Variants in SNX14 observed in about 807,000 individuals in gnomAD.
The protein encoded by SNX14 is sorting nexin 14.
Under a neutral mutation model 133.8 loss-of-function variants are expected in SNX14, and 93 were observed. The ratio of observed to expected loss-of-function variants is 0.70; its 90% CI spans 0.59 to 0.83. SNX14 has a LOEUF of 0.83. Ranked by LOEUF, SNX14 falls within the 40% of genes least tolerant of loss-of-function variation. SNX14 has a pLI of 0.00. For missense variants in SNX14, 945 were observed against 1,094.9 expected, an observed-to-expected ratio of 0.86 and a Z score of 1.93; for synonymous variants, 368 against 365.6, an observed-to-expected ratio of 1.01 and a Z score of -0.07.
intron 23 of SNX14, among the ~76,000 whole-genome samples, chr6:85,516,672 C>G (rs1775121989): frequency 1.5e-5 from 2 of 131,936 alleles, no homozygotes; most frequent in South Asian, 4.9e-4. Flanking sequence ...GAGTCTTGCT[C>G]TGTCCCCCAG....
At chr6:85,536,368 G>A (rs533903300) in intron 17 of SNX14, among the ~76,000 whole-genome samples, 1 of 152,294 alleles carries the variant, frequency 6.6e-6, no homozygotes, top group South Asian at 2.1e-4. Flanking sequence ...AAGCTTCCAG[G>A]TAATGCCAAT....
chr6:85,521,998 T>C (rs1161353788), intron 21 of SNX14, among the ~76,000 whole-genome samples: 3 of 152,198 alleles, frequency 2.0e-5, no homozygotes, highest in African/African-American at 7.2e-5. Context: ...TTGAAACAGG[T>C]GTCCTTTCCC....
chr6:85,551,607 C>T (rs1787868419), intron 7 of SNX14, among the ~76,000 whole-genome samples: 2 of 152,204 alleles, frequency 1.3e-5, no homozygotes, highest in African/African-American at 4.8e-5. Context: ...AGAACTCTCT[C>T]TTTGTTCTCT....
At chr6:85,569,811 C>T (rs1056508703) in intron 4 of SNX14, among the ~76,000 whole-genome samples, 1 of 152,150 alleles carries the variant, frequency 6.6e-6, no homozygotes, top group African/African-American at 2.4e-5. Flanking sequence ...AAAGAATGAG[C>T]TTAGCACAAT....
At chr6:85,528,561 T>C (rs1258847851) in intron 19 of SNX14, among the ~76,000 whole-genome samples, 199 bp from the exon 20 acceptor site, 1 of 152,192 alleles carries the variant, frequency 6.6e-6, no homozygotes, top group African/African-American at 2.4e-5. Context: ...AGTCTACTGA[T>C]AAACAAAATA....
intron 18 of SNX14, among the ~76,000 whole-genome samples, chr6:85,531,009 G>C (rs963080245): frequency 2.0e-5 from 3 of 152,060 alleles, no homozygotes; most frequent in African/African-American, 4.8e-5. Context: ...CTGCAGTTAC[G>C]AAGATGCTCC....
intron 1 of SNX14, 32 bp from the exon 2 acceptor site, chr6:85,574,410 C>A (rs1209004412): frequency 1.4e-5 from 20 of 1,442,680 alleles, no homozygotes; most frequent in South Asian, 2.8e-5. Flanking sequence ...TTATTACAAC[C>A]AAAGAAAATG....
chr6:85,512,192 G>A (rs575376517), intron 26 of SNX14, among the ~76,000 whole-genome samples: 2 of 152,280 alleles, frequency 1.3e-5, no homozygotes, highest in South Asian at 4.1e-4. Flanking sequence ...GTAGGGCCTT[G>A]TCAAGAACAG....
At chr6:85,511,242 AC>A (rs369041527) in intron 26 of SNX14, among the ~76,000 whole-genome samples, 35 of 152,342 alleles carry the variant, frequency 2.3e-4, no homozygotes, top group African/African-American at 8.4e-4. Context: ...ACGAAAAGTA[AC>A]TGAATTTTGT....
chr6:85,588,985 G>T, intron 1 of SNX14: 1 of 437,046 alleles, frequency 2.3e-6, no homozygotes, highest in African/African-American at 2.0e-5. Context: ...GGTAGAAGGG[G>T]ATGCAGAAGT....
chr6:85,554,701 G>A (rs1377159929), intron 7 of SNX14, among the ~76,000 whole-genome samples: 1 of 151,920 alleles, frequency 6.6e-6, no homozygotes, highest in African/African-American at 2.4e-5. Flanking sequence ...AGCATTTTAG[G>A]GTGACTTTAT....
chr6:85,558,344 C>A (rs773685149), intron 6 of SNX14, among the ~76,000 whole-genome samples: 3 of 152,084 alleles, frequency 2.0e-5, no homozygotes, highest in African/African-American at 7.2e-5. Context: ...GTATTAAATG[C>A]GTTCAAGGAA....
chr6:85,589,386 A>T (rs1444431196), intron 1 of SNX14: 1 of 153,354 alleles, frequency 6.5e-6, no homozygotes, highest in Non-Finnish European at 1.5e-5. Context: ...ACATCCAGCT[A>T]AATTTTTTGT....
Position 85,547,538 on chromosome 6 carries a change from G to C in SNX14, c.880C>G (p.His294Asp). 1.2e-6 allele frequency: 2 copies of C among 1,602,428 alleles called. No individual in the cohort carries two copies. The highest frequency in any genetic ancestry group is 1.7e-6 in the Non-Finnish European group (2 of 1,175,834). Residue 294 changes from histidine (H) to aspartate (D), a missense_variant, in exon 10 of 29, where the codon CAT (histidine) becomes GAT (aspartate). Transcript: ENST00000314673. Reference sequence around the variant, plus strand: ...TCATCTATGAAGATGATAAGCAAATGATTCACAGTATCCTAGTGGAAAATA... The same window carrying C: ...TCATCTATGAAGATGATAAGCAAATCATTCACAGTATCCTAGTGGAAAATA... Reference protein sequence around the residue: ...DFLADPDTVNHLLIIFIDDSP... With the variant: ...DFLADPDTVNDLLIIFIDDSP...
chr6:85,523,905 G>A (rs969004871), intron 21 of SNX14, among the ~76,000 whole-genome samples: 6 of 152,178 alleles, frequency 3.9e-5, no homozygotes, highest in Admixed American at 1.3e-4. Flanking sequence ...AGATGGTGAC[G>A]TCCAACTGGG....
chr6:85,540,819 G>A (rs1783473828), intron 15 of SNX14, among the ~76,000 whole-genome samples: 1 of 151,836 alleles, frequency 6.6e-6, no homozygotes, highest in African/African-American at 2.4e-5. Flanking sequence ...TTTTCTCTTT[G>A]TAGTACATAT....
intron 21 of SNX14, among the ~76,000 whole-genome samples, chr6:85,519,487 G>A (rs1776100925): frequency 6.6e-6 from 1 of 152,176 alleles, no homozygotes; most frequent in African/African-American, 2.4e-5. Context: ...AATTAGCCAG[G>A]TGTGCTGGTG....
chr6:85,590,517 A>G (rs1401816992), intron 1 of SNX14, among the ~76,000 whole-genome samples: 1 of 152,174 alleles, frequency 6.6e-6, no homozygotes, highest in Non-Finnish European at 1.5e-5. Flanking sequence ...GATTTTCTGA[A>G]TGGTGTTTGG....
intron 1 of SNX14, 50 bp from the exon 2 acceptor site, chr6:85,574,428 C>A: frequency 7.4e-7 from 1 of 1,350,114 alleles, no homozygotes. Context: ...ATGCCTAATT[C>A]TAAGTTACCG....
Sources: gnomAD v4.1 joint callset for allele counts (sites outside exome capture counted in the v4.1 genomes callset) on GRCh38, gnomAD v4.1.1 for gene constraint, MANE v1.5 for transcripts, NCBI Gene and HGNC (gene_info 2026-07-23, HGNC 2026-07-21) for gene names.